The following NLGN1 variants were observed in gnomAD, a reference collection of about 807,000 sequenced individuals.
NLGN1 encodes neuroligin 1.
In NLGN1, 12 loss-of-function variants were observed where a neutral mutation model predicts 65.5. The observed-to-expected ratio is 0.18, with a 90% CI of 0.12 to 0.30. The LOEUF is 0.30. Among genes scored for constraint, NLGN1 ranks in the 10% least tolerant of loss-of-function variants. The pLI, the probability that NLGN1 is intolerant of heterozygous loss-of-function variation, is 1.00. For synonymous variants in NLGN1, 350 were observed against 359.5 expected (o/e 0.97, Z 0.30); for missense variants, 750 against 1,007.1 (o/e 0.74, Z 3.46).
At chr3:174,209,412 A>C (rs1736024430) in intron 4 of NLGN1, among the ~76,000 whole-genome samples, 1 of 152,160 alleles carries the variant, frequency 6.6e-6, no homozygotes, top group African/African-American at 2.4e-5. Flanking sequence ...ACTCGTTAGC[A>C]TAAAAATAAT....
chr3:174,031,080 A>G (rs973959913), intron 4 of NLGN1, among the ~76,000 whole-genome samples: 2 of 152,182 alleles, frequency 1.3e-5, no homozygotes, highest in African/African-American at 4.8e-5. Flanking sequence ...TCAGTGCCCA[A>G]TACTGGCAGC....
intron 4 of NLGN1, among the ~76,000 whole-genome samples, chr3:173,978,466 G>T (rs954051342): frequency 6.6e-6 from 1 of 152,000 alleles, no homozygotes; most frequent in Admixed American, 6.6e-5. Flanking sequence ...GGTAAATGAA[G>T]TCATGAATGT....
rs1464459944 is a variant in NLGN1 at position 174,027,065 on chromosome 3, TTAA to T, written c.646+219234_646+219236del. The stretch of plus-strand genomic sequence containing the variant: ...CTAAGTTTGGTCTAGTTCAATTTTT[TTAA>T]AAAAAAAAAAAGAAAAAGAAATATG... On this transcript the variant is annotated intron_variant, in intron 4 of 6. Coordinates refer to ENST00000457714, the Ensembl canonical transcript of NLGN1. Among the ~76,000 whole-genome samples, 21 of 122,924 alleles carry T rather than the reference TTAA, an allele frequency of 1.7e-4. No homozygotes were observed. The South Asian group carries it at 2.8e-3, about 17-fold the overall frequency. The allele number at this position is 122,924 out of a possible 152,430, so 80.6% of individuals were successfully genotyped here.
intron 4 of NLGN1, among the ~76,000 whole-genome samples, chr3:173,838,218 T>A (rs202206466): frequency 3.4e-5 from 5 of 148,074 alleles, no homozygotes; most frequent in South Asian, 2.1e-4. Context: ...CAGGGAAAAT[T>A]AAAAAAAAAA....
chr3:174,171,691 G>T (rs1165278554), intron 4 of NLGN1, among the ~76,000 whole-genome samples: 4 of 152,048 alleles, frequency 2.6e-5, no homozygotes, highest in Non-Finnish European at 4.4e-5. Flanking sequence ...ATGATAGTTT[G>T]GAATTTTGAA....
intron 3 of NLGN1, among the ~76,000 whole-genome samples, chr3:173,752,014 T>TA (rs1776373344): frequency 6.6e-6 from 1 of 152,090 alleles, no homozygotes; most frequent in African/African-American, 2.4e-5. Flanking sequence ...TAGCACAGCT[T>TA]AAGGAAGAGG....
chr3:173,517,750 T>TTATCTATCTATCTATCTATC (rs368708618), intron 2 of NLGN1, among the ~76,000 whole-genome samples: 57 of 147,232 alleles, frequency 3.9e-4, no homozygotes, highest in East Asian at 1.4e-3. Context: ...TTTCGCAAAT[T>TTATCTATCTATCTATCTATC]TATCTATCTA....
intron 4 of NLGN1, among the ~76,000 whole-genome samples, chr3:174,107,703 A>G (rs1714251745): frequency 6.6e-6 from 1 of 152,144 alleles, no homozygotes; most frequent in African/African-American, 2.4e-5. Context: ...TTTTTTTAAT[A>G]AACTACCATA....
At chr3:174,287,883 C>T (rs1752306997), downstream of NLGN1, among the ~76,000 whole-genome samples, 1 of 151,484 alleles carries the variant, frequency 6.6e-6, no homozygotes, top group Non-Finnish European at 1.5e-5. Context: ...GAATTGGCTT[C>T]CTCTGCTCCT....
chr3:173,732,528 G>T (rs1431257136), intron 3 of NLGN1, among the ~76,000 whole-genome samples: 1 of 152,094 alleles, frequency 6.6e-6, no homozygotes, highest in Non-Finnish European at 1.5e-5. Flanking sequence ...GCTGGGTTCG[G>T]GGTGGGTAGT....
chr3:173,752,854 C>G (rs1255688158), intron 3 of NLGN1, among the ~76,000 whole-genome samples: 2 of 152,114 alleles, frequency 1.3e-5, no homozygotes, highest in Admixed American at 1.3e-4. Flanking sequence ...TCCTCAACCT[C>G]AGCTGTTTAC....
intron 4 of NLGN1, among the ~76,000 whole-genome samples, chr3:174,167,406 G>C (rs1727699633): frequency 6.6e-6 from 1 of 152,000 alleles, no homozygotes; most frequent in Admixed American, 6.6e-5. Flanking sequence ...AATTCCCTTA[G>C]AGCTTGGTTA....
chr3:173,621,666 A>G (rs1754011927), intron 3 of NLGN1, among the ~76,000 whole-genome samples: 1 of 151,840 alleles, frequency 6.6e-6, no homozygotes, highest in Non-Finnish European at 1.5e-5. Context: ...AAATAAAAAG[A>G]TAACAAATTT....
intron 2 of NLGN1, among the ~76,000 whole-genome samples, chr3:173,479,533 G>GTGATGTCC (rs749861840): frequency 1.3e-5 from 2 of 152,140 alleles, no homozygotes; most frequent in Non-Finnish European, 2.9e-5. Context: ...GATGGTCACT[G>GTGATGTCC]TGATGTCCGG....
At chr3:173,467,144 T>C (rs1724502444) in intron 2 of NLGN1, among the ~76,000 whole-genome samples, 1 of 152,122 alleles carries the variant, frequency 6.6e-6, no homozygotes, top group African/African-American at 2.4e-5. Context: ...TTTTAAGTAA[T>C]TGAAATATTT....
chr3:173,762,374 G>T (rs775984538), intron 3 of NLGN1, among the ~76,000 whole-genome samples: 3 of 151,932 alleles, frequency 2.0e-5, no homozygotes, highest in African/African-American at 7.2e-5. Flanking sequence ...TAAAAGTGAC[G>T]ATGCAAACAC....
chr3:173,718,714 A>C (rs1770295307), intron 3 of NLGN1, among the ~76,000 whole-genome samples: 1 of 152,218 alleles, frequency 6.6e-6, no homozygotes, highest in African/African-American at 2.4e-5. Context: ...TGCATCATCT[A>C]CTTGTGTGAT....
At chr3:173,768,845 C>T (rs899183705) in intron 3 of NLGN1, among the ~76,000 whole-genome samples, 1 of 152,078 alleles carries the variant, frequency 6.6e-6, no homozygotes, top group African/African-American at 2.4e-5. Context: ...GATCTTGACT[C>T]ACAGCAACCT....
chr3:173,897,430 A>G (rs1026739430), intron 4 of NLGN1, among the ~76,000 whole-genome samples: 5 of 152,222 alleles, frequency 3.3e-5, no homozygotes, highest in African/African-American at 1.2e-4. Context: ...TCATTCAACA[A>G]ACAGCCTGCA....
Sources: gnomAD v4.1 joint callset for allele counts (sites outside exome capture counted in the v4.1 genomes callset) on GRCh38, gnomAD v4.1.1 for gene constraint, MANE v1.5 for transcripts, NCBI Gene and HGNC (gene_info 2026-07-23, HGNC 2026-07-21) for gene names.